Variants in CHRM5 observed in about 807,000 individuals in gnomAD.
CHRM5 encodes the protein cholinergic receptor muscarinic 5.
A neutral mutation model predicts 39.0 loss-of-function variants in CHRM5; 18 were observed. That is an observed-to-expected ratio of 0.46 (90% CI 0.32 to 0.68). CHRM5 has a LOEUF of 0.68. Among genes scored for constraint, CHRM5 ranks in the 30% least tolerant of loss-of-function variants. CHRM5 has a pLI of 0.04. For synonymous variants in CHRM5, 241 were observed against 246.3 expected (o/e 0.98, Z 0.20); for missense variants, 515 against 651.1 (o/e 0.79, Z 2.28).
chr15:34,031,611 G>C (rs557678747), intron 1 of CHRM5, among the ~76,000 whole-genome samples: 187 of 152,322 alleles, frequency 1.2e-3, no homozygotes, highest in African/African-American at 4.4e-3. Flanking sequence ...TTTTACAACA[G>C]GGAATGCATT....
At chr15:34,059,863 G>A (rs546067289) in intron 2 of CHRM5, among the ~76,000 whole-genome samples, 2 of 152,256 alleles carry the variant, frequency 1.3e-5, no homozygotes, top group East Asian at 3.9e-4. Flanking sequence ...ATTTCTATCT[G>A]CTAATTTATT....
At chr15:34,010,622 G>C (rs1597346442) in intron 1 of CHRM5, among the ~76,000 whole-genome samples, 2 of 151,942 alleles carry the variant, frequency 1.3e-5, no homozygotes, top group Non-Finnish European at 2.9e-5. Context: ...CCTCACAAAA[G>C]GTAAATTATA....
chr15:34,023,320 G>C (rs1177652402), intron 1 of CHRM5, among the ~76,000 whole-genome samples: 6 of 152,306 alleles, frequency 3.9e-5, no homozygotes, highest in Admixed American at 3.9e-4. Context: ...CACTGAGTTT[G>C]GTTGCTATCA....
intron 1 of CHRM5, among the ~76,000 whole-genome samples, chr15:34,003,540 G>A (rs1342071509): frequency 6.6e-6 from 1 of 152,142 alleles, no homozygotes; most frequent in Admixed American, 6.5e-5. Flanking sequence ...AAACTCAAAG[G>A]ACTTCAGGAT....
rs542289270 is a variant in CHRM5, at chr15:33,993,147, C to T, written c.-408+23997C>T. ...ATATTGCATGAATTCAATGATTTGA[C>T]TTTTGGGGAAAAAAAATGAAGGGCA... On this transcript the variant is annotated intron_variant, in intron 1 of 2. Transcript: ENST00000383263. Among the ~76,000 whole-genome samples, 30 of 152,194 alleles carry T rather than the reference C, an allele frequency of 2.0e-4. 1 individual carries two copies. In the Middle Eastern group the frequency reaches 0.031, roughly 155 times the overall value.
intron 2 of CHRM5, among the ~76,000 whole-genome samples, chr15:34,060,929 T>G (rs1045953997): frequency 4.0e-5 from 6 of 150,158 alleles, no homozygotes; most frequent in Admixed American, 1.3e-4. Flanking sequence ...GGCAGGAGAA[T>G]GGCGTGAACC....
intron 1 of CHRM5, among the ~76,000 whole-genome samples, chr15:34,009,789 G>A (rs1208975880): frequency 6.6e-6 from 1 of 152,080 alleles, no homozygotes; most frequent in East Asian, 1.9e-4. Context: ...AGGAGTTTGA[G>A]ATCAGCCTGA....
At chr15:34,030,400 C>T (rs1403874157) in intron 1 of CHRM5, among the ~76,000 whole-genome samples, 2 of 151,540 alleles carry the variant, frequency 1.3e-5, no homozygotes, top group African/African-American at 2.4e-5. Context: ...GGCTGGAGTG[C>T]AGTGGCGCAA....
chr15:34,028,235 T>C (rs1898593112), intron 1 of CHRM5, among the ~76,000 whole-genome samples: 1 of 152,158 alleles, frequency 6.6e-6, no homozygotes, highest in Non-Finnish European at 1.5e-5. Flanking sequence ...TGTGTATGTA[T>C]GAATGAGTAT....
At chr15:34,061,764 G>T (rs1201112141) in intron 2 of CHRM5, among the ~76,000 whole-genome samples, 1 of 152,100 alleles carries the variant, frequency 6.6e-6, no homozygotes. Context: ...CAGCAGCTGG[G>T]GCAAATGTAA....
intron 1 of CHRM5, among the ~76,000 whole-genome samples, chr15:33,987,307 G>A (rs1279979756): frequency 6.6e-6 from 1 of 152,058 alleles, no homozygotes; most frequent in East Asian, 1.9e-4. Context: ...TTTTTCATTT[G>A]ATAAACTAAG....
Position 34,067,427 on chromosome 15 carries a change from A to G in CHRM5, c.*3111A>G, listed in dbSNP as rs1055974975. ...GGCTGCTTTTCTGTATTGTATAAGC[A>G]CTATTCTAGATATTAAAGAAATTTA... On this transcript the variant is annotated 3_prime_UTR_variant, in exon 3 of 3. Transcript: ENST00000383263. 6.6e-6 allele frequency: 1 copy of G among 152,206 alleles called. No individual in the cohort carries two copies. Among genetic ancestry groups the G allele is most frequent in the African/African-American group, 2.4e-5 (1 of 41,440 alleles). 9.4% of individuals were successfully genotyped at this position (152,206 alleles called of 1,614,324 possible).
intron 1 of CHRM5, among the ~76,000 whole-genome samples, chr15:33,994,722 A>T (rs1021710806): frequency 6.6e-6 from 1 of 152,230 alleles, no homozygotes; most frequent in Non-Finnish European, 1.5e-5. Context: ...GTCTTCAAAA[A>T]TTCACTGTTA....
chr15:34,029,517 C>CAAAA (rs66519745), intron 1 of CHRM5, among the ~76,000 whole-genome samples: 65 of 118,536 alleles, frequency 5.5e-4, no homozygotes, highest in African/African-American at 8.8e-4. Context: ...CCTATTTCTA[C>CAAAA]AAAAAAAAAA....
intron 1 of CHRM5, among the ~76,000 whole-genome samples, chr15:33,976,187 A>G (rs550579974): frequency 5.3e-5 from 8 of 152,284 alleles, no homozygotes; most frequent in African/African-American, 1.9e-4. Flanking sequence ...TCTTCCATCT[A>G]AAAAAGCCAT....
intron 1 of CHRM5, among the ~76,000 whole-genome samples, chr15:34,009,697 T>C (rs1897553910): frequency 1.3e-5 from 2 of 152,152 alleles, no homozygotes; most frequent in South Asian, 4.2e-4. Flanking sequence ...CAAAAAGATA[T>C]AACAATAGGG....
At chr15:34,010,381 C>T (rs1567465077) in intron 1 of CHRM5, among the ~76,000 whole-genome samples, 1 of 152,118 alleles carries the variant, frequency 6.6e-6, no homozygotes, top group Non-Finnish European at 1.5e-5. Flanking sequence ...ATCTCTATCA[C>T]CAAGAGCCTT....
chr15:34,044,878 G>A (rs762028811), intron 1 of CHRM5, among the ~76,000 whole-genome samples: 6 of 152,186 alleles, frequency 3.9e-5, no homozygotes, highest in South Asian at 2.1e-4. Context: ...GTGAAACCCC[G>A]TCTCTTAAAA....
chr15:33,993,807 T>G (rs147358278), intron 1 of CHRM5, among the ~76,000 whole-genome samples: 264 of 146,772 alleles, frequency 1.8e-3, no homozygotes, highest in African/African-American at 6.4e-3. Flanking sequence ...GATTGTCACT[T>G]TAGTATTTAA....
Sources: gnomAD v4.1 joint callset for allele counts (sites outside exome capture counted in the v4.1 genomes callset) on GRCh38, gnomAD v4.1.1 for gene constraint, MANE v1.5 for transcripts, NCBI Gene and HGNC (gene_info 2026-07-23, HGNC 2026-07-21) for gene names.